The following HDAC4 variants were observed in gnomAD, a reference collection of about 807,000 sequenced individuals.
HDAC4 encodes histone deacetylase A.
HDAC4 carries 16 observed loss-of-function variants against 135.1 expected under a neutral mutation model. That is an observed-to-expected ratio of 0.12 (90% CI 0.08 to 0.18). HDAC4 has a LOEUF of 0.18. Among genes scored for constraint, HDAC4 ranks in the 10% least tolerant of loss-of-function variants. The pLI, the probability that HDAC4 is intolerant of heterozygous loss-of-function variation, is 1.00. For missense variants in HDAC4, 1,143 were observed against 1,511.8 expected (o/e 0.76, Z 4.05); for synonymous variants, 685 against 653.4 (o/e 1.05, Z -0.74).
At position 239,309,351 on chromosome 2, in the gene HDAC4, G is replaced by C. The variant is rs1212446874; in HGVS notation, c.22+43327C>G. 1 of 152,118 alleles carries C rather than the reference G, an allele frequency of 6.6e-6. No individual in the cohort carries two copies. The highest frequency in any genetic ancestry group is 1.5e-5 in the Non-Finnish European group (1 of 68,046). 9.4% of individuals were successfully genotyped at this position (152,118 alleles called of 1,614,324 possible). ...CGCCCAGAACACTGTTTATATTGGG[G>C]GCCATGAACGTTCACCAAACCAGAC... On this transcript the variant is annotated intron_variant, in intron 2 of 26. Coordinates refer to ENST00000543185, the MANE Select transcript of HDAC4 (RefSeq NM_001378414.1). This position sits in a 1 kb window ranked among gnomAD's most constrained non-coding sequence, Gnocchi z 4.2.
intron 3 of HDAC4, among the ~76,000 whole-genome samples, chr2:239,215,174 C>T (rs1473729091): frequency 2.6e-5 from 4 of 152,144 alleles, no homozygotes; most frequent in South Asian, 2.1e-4. Context: ...AGCCCTGGGG[C>T]GCTTGGATGT....
At chr2:239,142,248 G>A (rs951444881) in intron 8 of HDAC4, among the ~76,000 whole-genome samples, 1 of 152,114 alleles carries the variant, frequency 6.6e-6, no homozygotes, top group Non-Finnish European at 1.5e-5. Context: ...CTCTCTTTCT[G>A]CCAAGAACCG....
At position 239,400,769 on chromosome 2, in the gene HDAC4, G is replaced by T. The variant is rs1696928812; in HGVS notation, c.-220+209C>A. 1 of 145,372 alleles carries T rather than the reference G, an allele frequency of 6.9e-6. No individual in the cohort carries two copies. Among genetic ancestry groups the T allele is most frequent in the African/African-American group, 2.5e-5 (1 of 40,520 alleles). 9.0% of individuals were successfully genotyped at this position (145,372 alleles called of 1,614,324 possible). On this transcript the variant is annotated intron_variant, in intron 1 of 26. Coordinates refer to ENST00000543185, the MANE Select transcript of HDAC4 (RefSeq NM_001378414.1). The surrounding 1 kb of genome is among the most constrained non-coding windows in gnomAD (Gnocchi z 4.7). ...ATCTCCTCAGCCTGCGCCGCCACCC[G>T]CCGGCGCGCGGGCTCGGGCTCGGGC...
intron 3 of HDAC4, among the ~76,000 whole-genome samples, chr2:239,197,205 TG>T (rs1298682183): frequency 6.6e-6 from 1 of 152,218 alleles, no homozygotes; most frequent in African/African-American, 2.4e-5. Context: ...GTCCTGACTT[TG>T]GCTGGGTATA....
chr2:239,361,334 G>A (rs1337576270), intron 1 of HDAC4, among the ~76,000 whole-genome samples: 1 of 152,182 alleles, frequency 6.6e-6, no homozygotes, highest in Non-Finnish European at 1.5e-5. Context: ...CTGCCTTTTG[G>A]GGGCTAGAGT....
intron 2 of HDAC4, among the ~76,000 whole-genome samples, chr2:239,288,815 G>T (rs1289816429): frequency 6.6e-6 from 1 of 152,130 alleles, no homozygotes; most frequent in Non-Finnish European, 1.5e-5. Flanking sequence ...CCTGATGGAG[G>T]GAAAGAGAAG....
At chr2:239,353,482 G>A (rs956715380) in intron 1 of HDAC4, among the ~76,000 whole-genome samples, 23 of 152,204 alleles carry the variant, frequency 1.5e-4, no homozygotes, top group African/African-American at 4.8e-4. Context: ...TTTGGTTTGC[G>A]TATTTAGGTG....
At chr2:239,289,957 C>T (rs1252279494) in intron 2 of HDAC4, among the ~76,000 whole-genome samples, 1 of 152,188 alleles carries the variant, frequency 6.6e-6, no homozygotes, top group Non-Finnish European at 1.5e-5. Context: ...TCTTTACTCA[C>T]CATTTTTGAG....
chr2:239,235,293 C>T (rs2047822865), intron 3 of HDAC4, among the ~76,000 whole-genome samples: 1 of 152,148 alleles, frequency 6.6e-6, no homozygotes, highest in Non-Finnish European at 1.5e-5. Flanking sequence ...TGGAAAATGA[C>T]AGAAAACCTG....
intron 2 of HDAC4, among the ~76,000 whole-genome samples, chr2:239,289,479 T>C (rs926476965): frequency 2.6e-5 from 4 of 152,266 alleles, no homozygotes; most frequent in Admixed American, 6.5e-5. Flanking sequence ...AAAACACTTC[T>C]AAGTAACATT....
intron 3 of HDAC4, among the ~76,000 whole-genome samples, chr2:239,192,640 AAC>A (rs2153050500): frequency 6.6e-6 from 1 of 152,270 alleles, no homozygotes; most frequent in East Asian, 1.9e-4. Context: ...TGCTTTCCTG[AAC>A]ACACAGTCTC....
At chr2:239,215,390 C>T (rs547940030) in intron 3 of HDAC4, among the ~76,000 whole-genome samples, 7 of 152,216 alleles carry the variant, frequency 4.6e-5, no homozygotes, top group South Asian at 2.1e-4. Flanking sequence ...CTGCTGGGAG[C>T]CCAGAGAAGC....
At chr2:239,171,369 A>G (rs781697482) in intron 5 of HDAC4, among the ~76,000 whole-genome samples, 19 of 152,378 alleles carry the variant, frequency 1.2e-4, no homozygotes, top group South Asian at 8.3e-4. Flanking sequence ...AATCCAATGG[A>G]TGAGTTTAAC....
chr2:239,098,031 G>C (rs1187755965), intron 16 of HDAC4, among the ~76,000 whole-genome samples: 1 of 152,254 alleles, frequency 6.6e-6, no homozygotes, highest in Non-Finnish European at 1.5e-5. Context: ...GCAAGAGACT[G>C]AATCTCTTTG....
intron 5 of HDAC4, among the ~76,000 whole-genome samples, chr2:239,171,813 T>C (rs2043470017): frequency 1.3e-5 from 2 of 152,198 alleles, no homozygotes; most frequent in African/African-American, 4.8e-5. Context: ...TTCTGGAGAT[T>C]AACAATGGAA....
At chr2:239,206,025 T>C (rs539718428) in intron 3 of HDAC4, among the ~76,000 whole-genome samples, 6 of 152,314 alleles carry the variant, frequency 3.9e-5, no homozygotes, top group Non-Finnish European at 8.8e-5. Flanking sequence ...AAATAATTTG[T>C]TGGATAACGA....
chr2:239,253,344 G>A (rs12151452), intron 2 of HDAC4, among the ~76,000 whole-genome samples: 1 of 152,128 alleles, frequency 6.6e-6, no homozygotes, highest in Non-Finnish European at 1.5e-5. Flanking sequence ...GAATTAAAAC[G>A]AACACCCCTG....
chr2:239,255,117 C>T (rs2125019675), intron 2 of HDAC4, among the ~76,000 whole-genome samples: 1 of 152,238 alleles, frequency 6.6e-6, no homozygotes, highest in African/African-American at 2.4e-5. Flanking sequence ...GCTGAACTAA[C>T]AAGGGATTAT....
intron 2 of HDAC4, among the ~76,000 whole-genome samples, chr2:239,327,357 A>G (rs956388702): frequency 1.3e-5 from 2 of 152,154 alleles, no homozygotes; most frequent in Admixed American, 1.3e-4. Flanking sequence ...AGGCACCCCC[A>G]TGCAGCTCAG....
Sources: allele counts gnomAD v4.1 joint callset (sites outside exome capture counted in the v4.1 genomes callset), GRCh38; gene constraint gnomAD v4.1.1; non-coding constraint Gnocchi (gnomAD v3.1); transcripts MANE v1.5; gene names NCBI Gene and HGNC (gene_info 2026-07-23, HGNC 2026-07-21).